The following TSPAN4 variants were observed in gnomAD, a reference collection of about 807,000 sequenced individuals.
The protein encoded by TSPAN4 is tetraspanin 4.
Under a neutral mutation model 31.5 loss-of-function variants are expected in TSPAN4, and 38 were observed. That is an observed-to-expected ratio of 1.21 (90% confidence interval 0.93 to 1.58). The LOEUF is 1.58. TSPAN4 is among the 40% of genes most tolerant of loss of function. TSPAN4 has a pLI of 0.00. For missense variants in TSPAN4, 330 were observed against 317.3 expected, an observed-to-expected ratio of 1.04 and a Z score of -0.30; for synonymous variants, 186 against 144.6, an observed-to-expected ratio of 1.29 and a Z score of -2.06.
Position 865,386 on chromosome 11 carries a change from G to A in TSPAN4, c.331-127G>A, listed in dbSNP as rs1328058651. On this transcript the variant is annotated intron_variant, in intron 5 of 8. Transcript: ENST00000397397. ...GGCCGGTGTGTCTGCAGCTTGGTGG[G>A]CTAGGAGGCGCGGGGGACACAAGAC... 10 of 707,672 alleles carry A rather than the reference G, an allele frequency of 1.4e-5. No individual in the cohort carries two copies. The Admixed American group carries it at 1.5e-4, about 11-fold the overall frequency. The allele number at this position is 707,672 out of a possible 1,614,324, so 43.8% of individuals were successfully genotyped here.
rs1172532024 is a variant in TSPAN4, at chr11:848,410, C to T, written c.-18+1110C>T. ...TCTGGGGGCCCCCTGTCCCCTTCCC[C>T]CAGCGAGGACCTGGGCATGGGGTGC... On this transcript the variant is annotated intron_variant, in intron 2 of 8. Transcript: ENST00000397397. The surrounding 1 kb of genome is among the most constrained non-coding windows in gnomAD (Gnocchi z 5.7). 6.6e-6 allele frequency among the ~76,000 whole-genome samples: 1 copy of T among 152,098 alleles called. No homozygotes were observed. The highest frequency in any genetic ancestry group is 1.5e-5 in the Non-Finnish European group (1 of 67,982).
At chr11:862,236 G>T (rs545907605) in intron 3 of TSPAN4, 1 of 381,418 alleles carries the variant, frequency 2.6e-6, no homozygotes, top group South Asian at 5.5e-5. Context: ...CTAAGATCCC[G>T]TCCCTTTGGC....
intron 5 of TSPAN4, 70 bp downstream of exon 5, chr11:864,581 T>C (rs938080490): frequency 1.2e-5 from 19 of 1,584,032 alleles, no homozygotes; most frequent in Admixed American, 1.7e-5. Context: ...GGGAGCACTG[T>C]GGGCCCGGTG....
rs373636778 is a variant in TSPAN4, at chr11:850,336, A to G, written c.32A>G (p.Tyr11Cys). The change falls in exon 3 of 9, where the codon TAC (tyrosine) becomes TGC (cysteine). Residue 11 changes from tyrosine (Y) to cysteine (C), a missense_variant. Tyr to Cys is a radical substitution (Grantham distance 194). Coordinates refer to ENST00000397397, the MANE Select transcript of TSPAN4 (RefSeq NM_003271.5). The part of the protein sequence containing the change: MARACLQAVK[Y>C]LMFAFNLLFW... Reference sequence around the variant, plus strand: ...CGCGCCTGCCTCCAGGCCGTCAAGTACCTCATGTTCGCCTTCAACCTGCTC... The same window carrying G: ...CGCGCCTGCCTCCAGGCCGTCAAGTGCCTCATGTTCGCCTTCAACCTGCTC... 1.2e-6 allele frequency: 2 copies of G among 1,606,672 alleles called. No homozygotes were observed. The highest frequency in any genetic ancestry group is 1.7e-6 in the Non-Finnish European group (2 of 1,179,082).
At chr11:858,991 C>T (rs1196355148) in intron 3 of TSPAN4, among the ~76,000 whole-genome samples, 8 of 140,652 alleles carry the variant, frequency 5.7e-5, no homozygotes, top group Admixed American at 3.5e-4. Flanking sequence ...TCACACGCAC[C>T]CCTGGGTCAC....
At chr11:863,900 A>T (rs1167188062) in intron 4 of TSPAN4, 1 of 156,382 alleles carries the variant, frequency 6.4e-6, no homozygotes, top group Non-Finnish European at 1.4e-5. Context: ...TTGCATGGTC[A>T]GAGGTGGGGC....
chr11:850,812 C>T (rs1257184972), intron 3 of TSPAN4, among the ~76,000 whole-genome samples: 2 of 152,236 alleles, frequency 1.3e-5, no homozygotes, highest in African/African-American at 4.8e-5. Context: ...TCGGCCCCGC[C>T]CCTCCAGGCA....
At chr11:846,070 C>A (rs11246331) in intron 1 of TSPAN4, among the ~76,000 whole-genome samples, 11 of 152,210 alleles carry the variant, frequency 7.2e-5, no homozygotes, top group Admixed American at 4.6e-4. Context: ...CTCCCTACCT[C>A]CTCAAAGCTG....
At chr11:849,163 T>C (rs1847481942) in intron 2 of TSPAN4, among the ~76,000 whole-genome samples, 1 of 150,960 alleles carries the variant, frequency 6.6e-6, no homozygotes, top group Admixed American at 6.6e-5. Context: ...CGGGCCCACC[T>C]GGAGCGCTCT....
intron 3 of TSPAN4, chr11:856,953 C>CG (rs1219653609): frequency 6.6e-6 from 1 of 152,238 alleles, no homozygotes. Context: ...GCTGGGGCCT[C>CG]GGGGCCCGGG....
In TSPAN4 at chr11:862,563, G is replaced by T; in HGVS notation, c.77G>T (p.Gly26Val). Residue 26 changes from glycine (G) to valine (V), a missense_variant, in exon 4 of 9, where the codon GGC becomes GTC. Coordinates refer to ENST00000397397, the MANE Select transcript of TSPAN4 (RefSeq NM_003271.5). ...FNLLFWLGGC[G>V]VLGVGIWLAA... ...GCTGTGCCCCAGCTGGGAGGCTGTG[G>T]CGTGCTGGGTGTCGGCATCTGGCTG... The T allele has an allele frequency of 5.0e-6, 8 of 1,608,616 alleles. No homozygotes were observed. The highest frequency in any genetic ancestry group is 6.8e-6 in the Non-Finnish European group (8 of 1,178,258).
At position 842,899 on chromosome 11, in the gene TSPAN4, G is replaced by T. The variant is rs1299005942; in HGVS notation, c.-134G>T. The T allele has an allele frequency of 6.1e-6, 1 of 163,020 alleles. No individual in the cohort carries two copies. The highest frequency in any genetic ancestry group is 1.7e-4 in the South Asian group (1 of 5,898). The allele number at this position is 163,020 out of a possible 1,614,324, so 10.1% of individuals were successfully genotyped here. On this transcript the variant is annotated 5_prime_UTR_variant, in exon 1 of 9. Coordinates refer to ENST00000397397, the MANE Select transcript of TSPAN4 (RefSeq NM_003271.5). ...CGCGGCGGGAGCGGGCGGCGCGAGCGGGAGGCGGCGGCGCAGGTACTGCGC... is the reference window on the plus strand; with the variant it reads ...CGCGGCGGGAGCGGGCGGCGCGAGCTGGAGGCGGCGGCGCAGGTACTGCGC...
intron 3 of TSPAN4, among the ~76,000 whole-genome samples, chr11:850,821 C>T (rs1847645777): frequency 6.6e-6 from 1 of 152,260 alleles, no homozygotes; most frequent in Admixed American, 6.5e-5. Context: ...CCCCTCCAGG[C>T]AGGCGACCTG....
chr11:850,079 G>C (rs2133997619), intron 2 of TSPAN4: 1 of 403,598 alleles, frequency 2.5e-6, no homozygotes. Flanking sequence ...GCCCCTCTCC[G>C]GAGGGCAAGG....
chr11:864,867 C>T (rs1848678773), intron 5 of TSPAN4: 4 of 332,254 alleles, frequency 1.2e-5, no homozygotes, highest in East Asian at 5.5e-5. Context: ...TGGTCACTCA[C>T]TCATATATTC....
intron 3 of TSPAN4, among the ~76,000 whole-genome samples, chr11:859,051 C>T (rs1848249100): frequency 7.4e-6 from 1 of 135,950 alleles, no homozygotes; most frequent in African/African-American, 2.8e-5. Context: ...CCCGGGCTCA[C>T]ACCAACAGCT....
intron 5 of TSPAN4, 109 bp downstream of exon 5, chr11:864,620 A>C: frequency 7.1e-7 from 1 of 1,410,632 alleles, no homozygotes; most frequent in Non-Finnish European, 9.9e-7. Context: ...ATGTGCCCTC[A>C]CGGGCAGCCA....
At chr11:864,714 G>A (rs1848667255) in intron 5 of TSPAN4, 4 of 637,798 alleles carry the variant, frequency 6.3e-6, no homozygotes, top group Non-Finnish European at 1.1e-5. Flanking sequence ...TAGCGACTGG[G>A]GCACAAGGGC....
At chr11:853,900 G>A (rs1420375717) in intron 3 of TSPAN4, among the ~76,000 whole-genome samples, 2 of 152,220 alleles carry the variant, frequency 1.3e-5, no homozygotes, top group Non-Finnish European at 2.9e-5. Flanking sequence ...GAGGCTGGGT[G>A]CAGGGCCCGT....
Sources: allele counts gnomAD v4.1 joint callset (sites outside exome capture counted in the v4.1 genomes callset), GRCh38; gene constraint gnomAD v4.1.1; non-coding constraint Gnocchi (gnomAD v3.1); transcripts MANE v1.5; gene names NCBI Gene and HGNC (gene_info 2026-07-23, HGNC 2026-07-21).